The following TBC1D5 variants were observed in gnomAD, a reference collection of about 807,000 sequenced individuals.
TBC1D5 encodes TBC1 domain family member 5.
A neutral mutation model predicts 100.3 loss-of-function variants in TBC1D5; 75 were observed. The ratio of observed to expected loss-of-function variants is 0.75; its 90% CI spans 0.62 to 0.91. The LOEUF (loss-of-function observed/expected upper bound fraction) is 0.91, where lower values mean the gene tolerates loss of function less well. Among genes scored for constraint, TBC1D5 ranks in the 40% least tolerant of loss-of-function variants. TBC1D5 has a pLI of 0.00. For synonymous variants in TBC1D5, 323 were observed against 325.6 expected, an observed-to-expected ratio of 0.99 and a Z score of 0.09; for missense variants, 910 against 942.4, an observed-to-expected ratio of 0.97 and a Z score of 0.45.
At chr3:17,178,366 A>G (rs1367809570) in intron 19 of TBC1D5, among the ~76,000 whole-genome samples, 1 of 152,028 alleles carries the variant, frequency 6.6e-6, no homozygotes, top group Non-Finnish European at 1.5e-5. Flanking sequence ...TGCCTGGCCT[A>G]GTGCTCCATT....
intron 3 of TBC1D5, among the ~76,000 whole-genome samples, chr3:17,434,819 T>C (rs562327708): frequency 1.3e-5 from 2 of 152,302 alleles, no homozygotes; most frequent in South Asian, 2.1e-4. Flanking sequence ...CCAGAATTTT[T>C]TTCCCCCTAC....
At chr3:17,683,474 A>G (rs2069785022) in intron 1 of TBC1D5, among the ~76,000 whole-genome samples, 1 of 146,650 alleles carries the variant, frequency 6.8e-6, no homozygotes, top group Non-Finnish European at 1.5e-5. Flanking sequence ...AGAAAATTCA[A>G]GAGGCTCAAG....
intron 4 of TBC1D5, among the ~76,000 whole-genome samples, chr3:17,407,114 C>T (rs775157167): frequency 6.6e-6 from 1 of 152,092 alleles, no homozygotes; most frequent in Non-Finnish European, 1.5e-5. Flanking sequence ...AAAAGCCTCA[C>T]TGTAAAAACT....
intron 15 of TBC1D5, among the ~76,000 whole-genome samples, chr3:17,259,263 A>T (rs2078042402): frequency 6.6e-6 from 1 of 152,220 alleles, no homozygotes; most frequent in Non-Finnish European, 1.5e-5. Flanking sequence ...AGAATGCAAC[A>T]TTATTTATAA....
intron 1 of TBC1D5, among the ~76,000 whole-genome samples, chr3:17,685,279 GA>G (rs1262344025): frequency 1.3e-5 from 2 of 151,504 alleles, no homozygotes; most frequent in Non-Finnish European, 3.0e-5. Context: ...GAACCACAAA[GA>G]AAAAAATCAA....
At chr3:17,201,872 AG>A (rs1230883417) in intron 18 of TBC1D5, among the ~76,000 whole-genome samples, 4 of 152,180 alleles carry the variant, frequency 2.6e-5, no homozygotes, top group African/African-American at 9.7e-5. Context: ...ACCCAGTCTC[AG>A]GTAGTTATTT....
At position 17,560,308 on chromosome 3, in the gene TBC1D5, T is replaced by C. The variant is rs561774941; in HGVS notation, c.-35-51703A>G. Reference sequence around the variant, plus strand: ...AAAGGGCTGGAGGGAAAACCTATTGTTTAAGAAAGTCTTCAAAGGCAAATA... The same window carrying C: ...AAAGGGCTGGAGGGAAAACCTATTGCTTAAGAAAGTCTTCAAAGGCAAATA... On this transcript the variant is annotated intron_variant, in intron 2 of 21. Transcript: ENST00000253692. Among the ~76,000 whole-genome samples the C allele has an allele frequency of 1.6e-3, 245 of 152,274 alleles. 1 individual carries two copies. The highest frequency in any genetic ancestry group is 6.8e-3 in the Middle Eastern group (2 of 294).
chr3:17,252,753 G>T (rs1433367525), intron 16 of TBC1D5, among the ~76,000 whole-genome samples: 2 of 152,210 alleles, frequency 1.3e-5, no homozygotes, highest in Non-Finnish European at 2.9e-5. Flanking sequence ...GGTACACAAA[G>T]ATTCTTCCAA....
intron 15 of TBC1D5, among the ~76,000 whole-genome samples, chr3:17,264,676 CCATCCATTA>C (rs2078671756): frequency 6.6e-6 from 1 of 152,150 alleles, no homozygotes; most frequent in Non-Finnish European, 1.5e-5. Context: ...GATTCCTGCT[CCATCCATTA>C]CTAGTGGAGC....
At chr3:17,566,108 A>G (rs2096591976) in intron 2 of TBC1D5, among the ~76,000 whole-genome samples, 1 of 152,058 alleles carries the variant, frequency 6.6e-6, no homozygotes, top group Non-Finnish European at 1.5e-5. Context: ...ACACTGTAAT[A>G]TATAGTGATA....
chr3:17,433,951 A>G (rs2094490364), intron 3 of TBC1D5, among the ~76,000 whole-genome samples: 2 of 152,200 alleles, frequency 1.3e-5, no homozygotes. Context: ...TAAACTGTAA[A>G]GTACCAAAAT....
intron 17 of TBC1D5, among the ~76,000 whole-genome samples, chr3:17,215,273 A>G (rs1472220807): frequency 6.6e-6 from 1 of 152,134 alleles, no homozygotes; most frequent in East Asian, 1.9e-4. Flanking sequence ...CTAACGCAAA[A>G]ATGTAAGTAC....
intron 15 of TBC1D5, among the ~76,000 whole-genome samples, chr3:17,287,967 T>C (rs1262202191): frequency 2.0e-5 from 3 of 152,210 alleles, no homozygotes; most frequent in Admixed American, 2.0e-4. Context: ...ATGTCTCAAA[T>C]CTCATCTTTC....
intron 19 of TBC1D5, chr3:17,184,907 T>C: frequency 3.0e-6 from 1 of 331,186 alleles, no homozygotes; most frequent in East Asian, 4.6e-5. Flanking sequence ...TTGGGGCATT[T>C]TCTTAATCCC....
chr3:17,539,580 G>C (rs192388710), intron 2 of TBC1D5, among the ~76,000 whole-genome samples: 1 of 152,230 alleles, frequency 6.6e-6, no homozygotes, highest in Non-Finnish European at 1.5e-5. Flanking sequence ...ACAAAAAGTC[G>C]TAAGATCTCT....
intron 1 of TBC1D5, among the ~76,000 whole-genome samples, chr3:17,653,225 A>T (rs1210760895): frequency 1.3e-5 from 2 of 152,170 alleles, no homozygotes; most frequent in Non-Finnish European, 2.9e-5. Context: ...AATGTTTTAG[A>T]ACTAGATAGA....
At chr3:17,492,052 A>G (rs1001037244) in intron 3 of TBC1D5, among the ~76,000 whole-genome samples, 1 of 152,000 alleles carries the variant, frequency 6.6e-6, no homozygotes, top group Non-Finnish European at 1.5e-5. Context: ...GAATTTATCC[A>G]TTTCTTCTAA....
chr3:17,642,452 A>G (rs560660319), intron 1 of TBC1D5, among the ~76,000 whole-genome samples: 3 of 152,294 alleles, frequency 2.0e-5, no homozygotes, highest in Admixed American at 6.5e-5. Context: ...TCAAGATCCC[A>G]GAGTCAGTAT....
At chr3:17,666,476 G>A (rs2067263455) in intron 1 of TBC1D5, among the ~76,000 whole-genome samples, 1 of 152,066 alleles carries the variant, frequency 6.6e-6, no homozygotes, top group Non-Finnish European at 1.5e-5. Flanking sequence ...GATTTCCCAA[G>A]CATCATTTAA....
Sources: allele counts gnomAD v4.1 joint callset (sites outside exome capture counted in the v4.1 genomes callset), GRCh38; gene constraint gnomAD v4.1.1; transcripts MANE v1.5; gene names NCBI Gene and HGNC (gene_info 2026-07-23, HGNC 2026-07-21).